The following FBXL4 variants were observed in gnomAD, a reference collection of about 807,000 sequenced individuals.
FBXL4 encodes F-box and leucine rich repeat protein 4.
Under a neutral mutation model 58.9 loss-of-function variants are expected in FBXL4, and 40 were observed. The observed-to-expected ratio is 0.68, with a 90% confidence interval of 0.53 to 0.88. The LOEUF is 0.88. FBXL4 is among the 40% of genes least tolerant of loss of function. The pLI is 0.00. For synonymous variants in FBXL4, 263 were observed against 265.5 expected, an observed-to-expected ratio of 0.99 and a Z score of 0.09; for missense variants, 676 against 734.4, an observed-to-expected ratio of 0.92 and a Z score of 0.92.
At chr6:98,890,389 AT>A (rs1771182552) in intron 7 of FBXL4, among the ~76,000 whole-genome samples, 1 of 152,226 alleles carries the variant, frequency 6.6e-6, no homozygotes, top group Non-Finnish European at 1.5e-5. Flanking sequence ...ATTATACTAC[AT>A]TTCAAACACA....
At chr6:98,919,098 T>C (rs1772482556) in intron 4 of FBXL4, among the ~76,000 whole-genome samples, 1 of 152,040 alleles carries the variant, frequency 6.6e-6, no homozygotes, top group Non-Finnish European at 1.5e-5. Flanking sequence ...GCCAAAATTA[T>C]AGAAGCCATC....
intron 1 of FBXL4, among the ~76,000 whole-genome samples, chr6:98,939,895 T>C (rs931860247): frequency 2.0e-5 from 3 of 152,222 alleles, no homozygotes; most frequent in East Asian, 1.9e-4. Context: ...TCACACAGCA[T>C]TGGAAGCTGA....
chr6:98,905,441 A>T lies in FBXL4; in HGVS notation c.1088T>A (p.Val363Asp). ...TTGTACTAACCTGCTAAATCCTGCA[A>T]CAGAGATGAAGCCTCTATTGCCAGT... is the stretch of plus-strand genomic sequence containing the variant. ...SWTGNRGFIS[V>D]AGFSRFLKVC... Residue 363 changes from valine (V) to aspartate (D), a missense_variant, in exon 6 of 10, where the codon GTT becomes GAT. Transcript: ENST00000369244. 1.2e-6 allele frequency: 2 copies of T among 1,614,066 alleles called. No individual in the cohort carries two copies. The highest frequency in any genetic ancestry group is 2.7e-5 in the African/African-American group (2 of 75,044).
intron 1 of FBXL4, among the ~76,000 whole-genome samples, chr6:98,947,031 C>A (rs1773645557): frequency 6.6e-6 from 1 of 152,246 alleles, no homozygotes; most frequent in Non-Finnish European, 1.5e-5. Flanking sequence ...AAGCAGAGAT[C>A]CCTGCACCTG....
intron 1 of FBXL4, among the ~76,000 whole-genome samples, 153 bp downstream of exon 1, chr6:98,947,653 G>A (rs1020005287): frequency 6.6e-6 from 1 of 152,066 alleles, no homozygotes; most frequent in Non-Finnish European, 1.5e-5. Flanking sequence ...GCGCGGGGCC[G>A]CGGGCGGGGA....
intron 7 of FBXL4, 21 bp from the exon 8 acceptor site, chr6:98,880,645 A>C: frequency 6.2e-7 from 1 of 1,604,410 alleles, no homozygotes; most frequent in Non-Finnish European, 8.5e-7. Context: ...GGACCACATC[A>C]GAGGCAAATA....
chr6:98,898,339 AC>A (rs1478928223), intron 7 of FBXL4: 1 of 985,282 alleles, frequency 1.0e-6, no homozygotes, highest in Admixed American at 6.2e-5. Context: ...CCAGGTACAT[AC>A]TCTTTAACCT....
At chr6:98,881,220 C>G (rs1770842223) in intron 7 of FBXL4, among the ~76,000 whole-genome samples, 1 of 152,148 alleles carries the variant, frequency 6.6e-6, no homozygotes, top group Admixed American at 6.5e-5. Flanking sequence ...ATAATATGTA[C>G]TTTCTAGTCA....
At chr6:98,916,129 A>G (rs1351852341) in intron 5 of FBXL4, among the ~76,000 whole-genome samples, 6 of 151,768 alleles carry the variant, frequency 4.0e-5, no homozygotes, top group African/African-American at 1.4e-4. Context: ...ACCATCTCAC[A>G]CCAGTTAGAA....
chr6:98,907,062 T>C (rs1288645654), intron 5 of FBXL4, among the ~76,000 whole-genome samples: 23 of 152,254 alleles, frequency 1.5e-4, no homozygotes, highest in Non-Finnish European at 1.5e-5. Flanking sequence ...AGATTCTGGA[T>C]ATTAGCCCTT....
chr6:98,914,939 T>C (rs1255000575), intron 5 of FBXL4, among the ~76,000 whole-genome samples: 2 of 152,088 alleles, frequency 1.3e-5, no homozygotes, highest in African/African-American at 4.8e-5. Flanking sequence ...CAGCCCAAAA[T>C]CTCCTTAAGC....
At chr6:98,878,006 G>A (rs1198021782) in intron 8 of FBXL4, among the ~76,000 whole-genome samples, 1 of 152,200 alleles carries the variant, frequency 6.6e-6, no homozygotes, top group Non-Finnish European at 1.5e-5. Flanking sequence ...TCTTGTCACT[G>A]CAAATCTGTC....
intron 8 of FBXL4, among the ~76,000 whole-genome samples, chr6:98,877,322 GA>G (rs764763080): frequency 1.5e-4 from 22 of 150,290 alleles, no homozygotes; most frequent in African/African-American, 3.7e-4. Flanking sequence ...AGCTTACTTA[GA>G]AAAAAAAAAT....
chr6:98,878,830 T>C (rs1770747477), intron 8 of FBXL4, among the ~76,000 whole-genome samples: 1 of 152,076 alleles, frequency 6.6e-6, no homozygotes, highest in Non-Finnish European at 1.5e-5. Context: ...ACTGGCTGGT[T>C]TGTTGTGACA....
At chr6:98,928,790 G>A (rs1273530240) in intron 2 of FBXL4, among the ~76,000 whole-genome samples, 1 of 152,104 alleles carries the variant, frequency 6.6e-6, no homozygotes, top group Non-Finnish European at 1.5e-5. Context: ...GTATTTTAAG[G>A]CTCTCTTCAA....
At position 98,926,576 on chromosome 6, in the gene FBXL4, G is replaced by A. The variant is rs1171989607; in HGVS notation, c.413C>T (p.Thr138Ile). Residue 138 changes from threonine to isoleucine, a missense_variant, in exon 4 of 10, where the codon ACA becomes ATA. Physicochemically the swap from Thr to Ile is moderately conservative, Grantham distance 89. Transcript: ENST00000369244. ...ATAGGTTTCTAGAACATGTACAGCT[G>A]TAGGATACACCTGTTGTTCAAAAGT... ...ELTFEQQVYP[T>I]AVHVLETYHP... is the part of the protein sequence containing the mutation. 1.2e-6 allele frequency: 2 copies of A among 1,614,174 alleles called. No individual in the cohort carries two copies. Among genetic ancestry groups the A allele is most frequent in the South Asian group, 2.2e-5 (2 of 91,082 alleles).
intron 2 of FBXL4, among the ~76,000 whole-genome samples, chr6:98,931,853 A>G (rs1018790823): frequency 2.0e-5 from 3 of 152,214 alleles, no homozygotes; most frequent in Non-Finnish European, 4.4e-5. Context: ...TTGTCTCAGG[A>G]CTCATGTGGA....
intron 4 of FBXL4, among the ~76,000 whole-genome samples, chr6:98,918,499 T>C (rs1772456559): frequency 6.6e-6 from 1 of 152,152 alleles, no homozygotes; most frequent in Non-Finnish European, 1.5e-5. Context: ...CTTCAAGGCC[T>C]AACTTATATT....
chr6:98,889,715 A>G (rs1235089552), intron 7 of FBXL4, among the ~76,000 whole-genome samples: 1 of 152,006 alleles, frequency 6.6e-6, no homozygotes, highest in African/African-American at 2.4e-5. Flanking sequence ...TTCAATTTCA[A>G]AAACAGTTTT....
Sources: allele counts gnomAD v4.1 joint callset (sites outside exome capture counted in the v4.1 genomes callset), GRCh38; gene constraint gnomAD v4.1.1; transcripts MANE v1.5; gene names NCBI Gene and HGNC (gene_info 2026-07-23, HGNC 2026-07-21).